MAPK7: variants seen among roughly 807,000 people sequenced by gnomAD.
MAPK7 encodes the protein BMK-1.
A neutral mutation model predicts 56.9 loss-of-function variants in MAPK7; 30 were observed. That is an observed-to-expected ratio of 0.53 (90% CI 0.39 to 0.72). The LOEUF (loss-of-function observed/expected upper bound fraction) is 0.72. Ranked by LOEUF, MAPK7 falls within the 30% of genes least tolerant of loss-of-function variation. The probability of loss-of-function intolerance (pLI) is 0.00; values close to 1 mark genes in which losing one functional copy is unlikely to be tolerated. For synonymous variants in MAPK7, 516 were observed against 449.3 expected (o/e 1.15, Z -1.88); for missense variants, 952 against 1,110.8 (o/e 0.86, Z 2.03).
chr17:19,378,919 G>C lies in MAPK7; in HGVS notation c.19G>C (p.Glu7Gln). 1.3e-6 allele frequency: 2 copies of C among 1,577,138 alleles called. No homozygotes were observed. The highest frequency in any genetic ancestry group is 1.7e-6 in the Non-Finnish European group (2 of 1,160,776). Residue 7 changes from glutamate (E) to glutamine (Q), a missense_variant, in exon 2 of 7, where the codon GAG becomes CAG. Coordinates refer to ENST00000395604, the MANE Select transcript of MAPK7 (RefSeq NM_002749.4). This position sits in a 1 kb window ranked among gnomAD's most constrained non-coding sequence, Gnocchi z 5.4. MAEPLKEEDGEDGSAEP... is the reference protein window; with the variant it reads MAEPLKQEDGEDGSAEP... ...AGACACCATGGCCGAGCCTCTGAAG[G>C]AGGAAGACGGCGAGGACGGCTCTGC...
Position 19,381,186 on chromosome 17 carries a change from G to A in MAPK7, c.977G>A (p.Arg326His), listed in dbSNP as rs775129236. ...ADRQALSLLG[R>H]MLRFEPSARI... ...CGCCAGGCCCTATCACTGCTGGGTC[G>A]CATGCTGCGTTTTGAGCCCAGCGCT... The change falls in exon 4 of 7, where the codon CGC (arginine) becomes CAC (histidine). Residue 326 changes from arginine to histidine, a missense_variant. By Grantham distance (29) the Arg-to-His change is conservative (BLOSUM62 0). Coordinates refer to ENST00000395604, the MANE Select transcript of MAPK7 (RefSeq NM_002749.4). This position sits in a 1 kb window ranked among gnomAD's most constrained non-coding sequence, Gnocchi z 4.6. The A allele has an allele frequency of 3.2e-5, 52 of 1,613,970 alleles. No homozygotes were observed. Among genetic ancestry groups the A allele is most frequent in the Non-Finnish European group, 4.0e-5 (47 of 1,180,044 alleles).
Position 19,382,427 on chromosome 17 carries a change from T to G in MAPK7, c.2124T>G (p.Pro708=), listed in dbSNP as rs376530241. 1.3e-4 allele frequency: 210 copies of G among 1,609,446 alleles called. No homozygotes were observed. The highest frequency in any genetic ancestry group is 1.7e-4 in the Non-Finnish European group (205 of 1,177,748). ...GAPQSSMSES[P]DVNLVTQQLS... is the part of the protein sequence containing the mutation. ...CTCAGTCTTCCATGTCAGAGTCACC[T>G]GATGTCAACCTTGTGACCCAGCAGC... Residue 708 remains proline (P), a synonymous_variant, in exon 5 of 7, where the codon CCT becomes CCG. Coordinates refer to ENST00000395604, the MANE Select transcript of MAPK7 (RefSeq NM_002749.4).
At position 19,382,064 on chromosome 17, in the gene MAPK7, G is replaced by A. The variant is rs1332144657; in HGVS notation, c.1761G>A (p.Pro587=). ...RPAAPALTSV[P]APAPAPTPTP... is the part of the protein sequence containing the mutation. ...CAGCCCCAGCCCTCACCTCTGTGCC[G>A]GCCCCTGCCCCAGCGCCAACGCCAA... The change falls in exon 5 of 7, where the codon CCG becomes CCA. Residue 587 remains proline, a synonymous_variant. Transcript: ENST00000395604. 1.4e-5 allele frequency: 22 copies of A among 1,590,442 alleles called. No homozygotes were observed. The highest frequency in any genetic ancestry group is 4.6e-5 in the East Asian group (2 of 43,740).
intron 2 of MAPK7, 126 bp from the exon 3 acceptor site, chr17:19,379,656 G>T: frequency 1.2e-6 from 1 of 802,064 alleles, no homozygotes; most frequent in Non-Finnish European, 2.0e-6. Flanking sequence ...TTGGCACATA[G>T]TAGGTACCCA....
In MAPK7 at chr17:19,379,837, C is replaced by T; in HGVS notation, c.288C>T (p.Ala96=). 6.2e-6 allele frequency: 10 copies of T among 1,614,240 alleles called. No homozygotes were observed. Among genetic ancestry groups the T allele is most frequent in the Non-Finnish European group, 8.5e-6 (10 of 1,180,050 alleles). The change falls in exon 3 of 7, where the codon GCC becomes GCT. Residue 96 remains alanine, a synonymous_variant. Coordinates refer to ENST00000395604, the MANE Select transcript of MAPK7 (RefSeq NM_002749.4). ...ATGCTTTCGATGTGGTGACCAATGCCAAGCGGACCCTCAGGGAGCTGAAGA... is the reference window on the plus strand; with the variant it reads ...ATGCTTTCGATGTGGTGACCAATGCTAAGCGGACCCTCAGGGAGCTGAAGA... ...IPNAFDVVTN[A]KRTLRELKIL...
Position 19,378,512 on chromosome 17 carries a change from C to A in MAPK7, c.-124C>A, listed in dbSNP as rs999081828. On this transcript the variant is annotated 5_prime_UTR_variant, in exon 1 of 7. Transcript: ENST00000395604. This position sits in a 1 kb window ranked among gnomAD's most constrained non-coding sequence, Gnocchi z 5.4. ...GGGGGACGGACAGGGCAGCTCAAGA[C>A]GCTGAGGTGGTGGCTGCGGCCTTTG... The A allele has an allele frequency of 1.1e-5, 12 of 1,101,758 alleles. No individual in the cohort carries two copies. In the African/African-American group the frequency reaches 1.3e-4, roughly 12 times the overall value. 68.2% of individuals were successfully genotyped at this position (1,101,758 alleles called of 1,614,324 possible).
At position 19,382,081 on chromosome 17, in the gene MAPK7, C is replaced by G. The variant is rs903269432; in HGVS notation, c.1778C>G (p.Pro593Arg). The G allele has an allele frequency of 1.9e-6, 3 of 1,604,466 alleles. No homozygotes were observed. Among genetic ancestry groups the G allele is most frequent in the Non-Finnish European group, 2.6e-6 (3 of 1,176,056 alleles). Residue 593 changes from proline (P) to arginine (R), a missense_variant, in exon 5 of 7, where the codon CCA becomes CGA. This residue lies in a region of MAPK7 where 234 missense variants were observed against 210.4 expected (regional missense o/e 1.11). Transcript: ENST00000395604. Reference sequence around the variant, plus strand: ...TCTGTGCCGGCCCCTGCCCCAGCGCCAACGCCAACCCCAACCCCAGTCCAA... The same window carrying G: ...TCTGTGCCGGCCCCTGCCCCAGCGCGAACGCCAACCCCAACCCCAGTCCAA... ...LTSVPAPAPAPTPTPTPVQPT... is the reference protein window; with the variant it reads ...LTSVPAPAPARTPTPTPVQPT...
Position 19,378,740 on chromosome 17 carries a change from A to G in MAPK7, c.-6+110A>G. The G allele has an allele frequency of 7.8e-7, 1 of 1,274,768 alleles. No individual in the cohort carries two copies. The highest frequency in any genetic ancestry group is 1.0e-6 in the Non-Finnish European group (1 of 975,290). 79.0% of individuals were successfully genotyped at this position (1,274,768 alleles called of 1,614,324 possible). On this transcript the variant is annotated intron_variant, in intron 1 of 6. Coordinates refer to ENST00000395604, the MANE Select transcript of MAPK7 (RefSeq NM_002749.4). This position sits in a 1 kb window ranked among gnomAD's most constrained non-coding sequence, Gnocchi z 5.4. ...GGCGGGCCCCCGGCTCTGGGCCCGG[A>G]CCCCTGGGGTAGCTAGTCTGCCACG... is the stretch of plus-strand genomic sequence containing the variant.
Position 19,382,431 on chromosome 17 carries a change from G to A in MAPK7, c.2128G>A (p.Val710Ile), listed in dbSNP as rs757659396. 74 of 1,608,418 alleles carry A rather than the reference G, an allele frequency of 4.6e-5. No individual in the cohort carries two copies. The highest frequency in any genetic ancestry group is 1.7e-4 in the Middle Eastern group (1 of 6,042). ...GTCTTCCATGTCAGAGTCACCTGATGTCAACCTTGTGACCCAGCAGCTATC... is the reference window on the plus strand; with the variant it reads ...GTCTTCCATGTCAGAGTCACCTGATATCAACCTTGTGACCCAGCAGCTATC... ...PQSSMSESPD[V>I]NLVTQQLSKS... Residue 710 changes from valine (V) to isoleucine (I), a missense_variant, in exon 5 of 7, where the codon GTC becomes ATC. Coordinates refer to ENST00000395604, the MANE Select transcript of MAPK7 (RefSeq NM_002749.4).
chr17:19,380,562 G>A (rs200304873), intron 3 of MAPK7, 46 bp from the exon 4 acceptor site: 2 of 1,549,526 alleles, frequency 1.3e-6, no homozygotes, highest in African/African-American at 2.7e-5. Flanking sequence ...TGTCCCTGGA[G>A]TGTGATCAGG....
chr17:19,378,630 G>T lies in MAPK7; in HGVS notation c.-6G>T. On this transcript the variant is annotated splice_region_variant and 5_prime_UTR_variant, in exon 1 of 7. Coordinates refer to ENST00000395604, the MANE Select transcript of MAPK7 (RefSeq NM_002749.4). This position sits in a 1 kb window ranked among gnomAD's most constrained non-coding sequence, Gnocchi z 5.4. ...TCTGAAAGCCTTGAGGAGGCGCGGGGGTGAGTGCGGCCCTGAGGAAACCCA... is the reference window on the plus strand; with the variant it reads ...TCTGAAAGCCTTGAGGAGGCGCGGGTGTGAGTGCGGCCCTGAGGAAACCCA... 7.4e-7 allele frequency: 1 copy of T among 1,346,410 alleles called. No homozygotes were observed. The highest frequency in any genetic ancestry group is 1.5e-5 in the African/African-American group (1 of 66,726). 83.4% of individuals were successfully genotyped at this position (1,346,410 alleles called of 1,614,324 possible). A position where few individuals can be genotyped will look rare whatever the true frequency, so the allele number is the denominator to read the frequency against.
chr17:19,379,963 G>A lies in MAPK7; in HGVS notation c.398+16G>A. The A allele has an allele frequency of 6.2e-7, 1 of 1,608,290 alleles. No homozygotes were observed. The highest frequency in any genetic ancestry group is 8.5e-7 in the Non-Finnish European group (1 of 1,175,838). On this transcript the variant is annotated intron_variant, in intron 3 of 6. Coordinates refer to ENST00000395604, the MANE Select transcript of MAPK7 (RefSeq NM_002749.4). ...TCAAATCTGTGTAAGAAGCGGGATG[G>A]GAGAGGGAGCCAGACTTGGGACTTT...
chr17:19,378,427 G>A (rs1473958210), upstream of MAPK7: 2 of 1,011,652 alleles, frequency 2.0e-6, no homozygotes, highest in Non-Finnish European at 1.2e-6. The surrounding 1 kb of genome is among the most constrained non-coding windows in gnomAD (Gnocchi z 5.4). Flanking sequence ...ACCCTCCGCA[G>A]CAGTAGCTCA....
rs1284054497 is a variant in MAPK7 at position 19,378,874 on chromosome 17, C to T, written c.-5-22C>T. 3 of 1,537,994 alleles carry T rather than the reference C, an allele frequency of 2.0e-6. No individual in the cohort carries two copies. The African/African-American group carries it at 4.1e-5, about 21-fold the overall frequency. On this transcript the variant is annotated intron_variant, in intron 1 of 6. Transcript: ENST00000395604. This position sits in a 1 kb window ranked among gnomAD's most constrained non-coding sequence, Gnocchi z 5.4. Reference sequence around the variant, plus strand: ...TGAGGCCCACGGTAGGTGGTCCTCTCCTCACCCGAGTCTCCACACAGACAC... The same window carrying T: ...TGAGGCCCACGGTAGGTGGTCCTCTTCTCACCCGAGTCTCCACACAGACAC...
rs778831204 is a variant in MAPK7, at chr17:19,381,313, C to T, written c.1104C>T (p.Asp368=). The change falls in exon 4 of 7, where the codon GAC becomes GAT. Residue 368 remains aspartate, a synonymous_variant. Coordinates refer to ENST00000395604, the MANE Select transcript of MAPK7 (RefSeq NM_002749.4). The surrounding 1 kb of genome is among the most constrained non-coding windows in gnomAD (Gnocchi z 4.6). ...CCCCGCCCTTTGACTTTGCCTTTGA[C>T]CGCGAAGCCCTCACTCGGGAGCGCA... The part of the protein sequence containing the change: ...DCAPPFDFAF[D]REALTRERIK... The T allele has an allele frequency of 1.2e-6, 2 of 1,614,116 alleles. No homozygotes were observed. Among genetic ancestry groups the T allele is most frequent in the South Asian group, 2.2e-5 (2 of 91,092 alleles).
chr17:19,380,109 G>A (rs1912521618), intron 3 of MAPK7, 162 bp downstream of exon 3: 6 of 718,880 alleles, frequency 8.3e-6, no homozygotes, highest in Non-Finnish European at 1.4e-5. Flanking sequence ...AGGGACAACT[G>A]TTATTCCTCA....
rs776381725 is a variant in MAPK7, at chr17:19,379,118, G to A, written c.218G>A (p.Arg73His). The change falls in exon 2 of 7, where the codon CGC becomes CAC. Residue 73 changes from arginine (R) to histidine (H), a missense_variant. Physicochemically the swap from Arg to His is conservative, Grantham distance 29. Transcript: ENST00000395604. ...NGAYGVVSSA[R>H]RRLTGQQVAI... ...GCCTATGGAGTGGTGTCCTCCGCCC[G>A]CCGCCGCCTCACCGGTGAGCTTCCT... 1.8e-5 allele frequency: 29 copies of A among 1,612,152 alleles called. No individual in the cohort carries two copies. Among genetic ancestry groups the A allele is most frequent in the African/African-American group, 4.0e-5 (3 of 74,912 alleles).
chr17:19,379,650 C>T, intron 2 of MAPK7, 132 bp from the exon 3 acceptor site: 1 of 766,874 alleles, frequency 1.3e-6, no homozygotes, highest in African/African-American at 1.7e-5. Flanking sequence ...CAGGGCTTGG[C>T]ACATAGTAGG....
chr17:19,379,830 C>T lies in MAPK7; in HGVS notation c.281C>T (p.Thr94Ile), dbSNP rs755904525. The T allele has an allele frequency of 6.2e-7, 1 of 1,614,096 alleles. No homozygotes were observed. Among genetic ancestry groups the T allele is most frequent in the Non-Finnish European group, 8.5e-7 (1 of 1,180,048 alleles). ...KKIPNAFDVV[T>I]NAKRTLRELK... is the part of the protein sequence containing the mutation. ...ATCCCTAATGCTTTCGATGTGGTGA[C>T]CAATGCCAAGCGGACCCTCAGGGAG... Residue 94 changes from threonine to isoleucine, a missense_variant, in exon 3 of 7, where the codon ACC becomes ATC. This residue lies in a region of MAPK7 where 213 missense variants were observed against 243.2 expected (regional missense o/e 0.88). Coordinates refer to ENST00000395604, the MANE Select transcript of MAPK7 (RefSeq NM_002749.4).
Sources: gnomAD v4.1 joint callset for allele counts on GRCh38, gnomAD v4.1.1 for gene constraint, gnomAD v4.1.1 regional missense constraint, Gnocchi (gnomAD v3.1) non-coding constraint, MANE v1.5 for transcripts, NCBI Gene and HGNC (gene_info 2026-07-23, HGNC 2026-07-21) for gene names.